The following KCNMB4 variants were observed in gnomAD, a reference collection of about 807,000 sequenced individuals.
KCNMB4 encodes calcium-activated potassium channel subunit beta-4.
KCNMB4 carries 3 observed loss-of-function variants against 20.7 expected under a neutral mutation model. The observed-to-expected ratio is 0.14, with a 90% CI of 0.07 to 0.37. The LOEUF (loss-of-function observed/expected upper bound fraction) is 0.37, where lower values mean the gene tolerates loss of function less well. KCNMB4 is among the 10% of genes least tolerant of loss of function. The probability of loss-of-function intolerance (pLI) is 1.00; values close to 1 mark genes in which losing one functional copy is unlikely to be tolerated. For synonymous variants in KCNMB4, 110 were observed against 113.4 expected (o/e 0.97, Z 0.19); for missense variants, 168 against 265.9 (o/e 0.63, Z 2.56).
chr12:70,393,128 G>C (rs977992892), intron 1 of KCNMB4, among the ~76,000 whole-genome samples: 1 of 151,980 alleles, frequency 6.6e-6, no homozygotes, highest in Non-Finnish European at 1.5e-5. Flanking sequence ...AAAATTTCTT[G>C]TTTTGGTGTG....
rs758534772 is a variant in KCNMB4 at position 70,431,058 on chromosome 12, TA to T, written c.*419del. The T allele has an allele frequency of 7.5e-3, 1,066 of 141,640 alleles. No homozygotes were observed. Among genetic ancestry groups the T allele is most frequent in the African/African-American group, 9.4e-3 (364 of 38,828 alleles). 8.8% of individuals were successfully genotyped at this position (141,640 alleles called of 1,614,324 possible). ...TTTTTATGCTTAGAACACCAGGGTTTAAAAAAAAAAAAAAGGTGAGGACATC... is the reference window on the plus strand; with the variant it reads ...TTTTTATGCTTAGAACACCAGGGTTTAAAAAAAAAAAAAGGTGAGGACATC... On this transcript the variant is annotated 3_prime_UTR_variant, in exon 3 of 3. Transcript: ENST00000258111.
rs767797869 is a variant in KCNMB4 at position 70,367,094 on chromosome 12, G to GGGCT, written c.336+25_336+28dup. ...AGGTAAGAACGCCCCGCGCACCCAG[G>GGGCT]GGCTCCCCGCGAGGGAGGTTTGGAG... On this transcript the variant is annotated intron_variant, in intron 1 of 2. Coordinates refer to ENST00000258111, the MANE Select transcript of KCNMB4 (RefSeq NM_014505.6). The GGGCT allele has an allele frequency of 6.1e-6, 9 of 1,484,592 alleles. No individual in the cohort carries two copies. In the African/African-American group the frequency reaches 1.1e-4, roughly 18 times the overall value. The allele number at this position is 1,484,592 out of a possible 1,614,324, so 92.0% of individuals were successfully genotyped here.
intron 2 of KCNMB4, among the ~76,000 whole-genome samples, chr12:70,409,088 C>G (rs1355168949): frequency 6.6e-6 from 1 of 152,138 alleles, no homozygotes; most frequent in Non-Finnish European, 1.5e-5. Context: ...TTTATCTTTT[C>G]CTCTTGTTGG....
Position 70,366,839 on chromosome 12 carries a change from C to A in KCNMB4, c.105C>A (p.Phe35Leu). ...IISGVVSLFIFGFCWLSPALQ... is the reference protein window; with the variant it reads ...IISGVVSLFILGFCWLSPALQ... ...CCGGCGTCGTGTCGCTCTTCATCTT[C>A]GGCTTCTGCTGGCTGAGTCCCGCGC... The change falls in exon 1 of 3, where the codon TTC (phenylalanine) becomes TTA (leucine). Residue 35 changes from phenylalanine (F) to leucine (L), a missense_variant. By Grantham distance (22) the Phe-to-Leu change is conservative (BLOSUM62 0). Transcript: ENST00000258111. The A allele has an allele frequency of 1.2e-6, 2 of 1,612,976 alleles. No homozygotes were observed. Among genetic ancestry groups the A allele is most frequent in the Non-Finnish European group, 1.7e-6 (2 of 1,179,898 alleles).
In KCNMB4 at chr12:70,370,746, T is replaced by TGCATAA. The variant is rs570923507; in HGVS notation, c.336+3677_336+3682dup. Among the ~76,000 whole-genome samples, 333 of 149,366 alleles carry TGCATAA rather than the reference T, an allele frequency of 2.2e-3. 3 individuals are homozygous for TGCATAA. The highest frequency in any genetic ancestry group is 8.2e-3 in the African/African-American group (328 of 40,118). On this transcript the variant is annotated intron_variant, in intron 1 of 2. Coordinates refer to ENST00000258111, the MANE Select transcript of KCNMB4 (RefSeq NM_014505.6). The stretch of plus-strand genomic sequence containing the variant: ...GAACTTGATTCCAGACATTTGCATT[T>TGCATAA]GCATAATTATATACATTGGATGGCC...
Position 70,430,707 on chromosome 12 carries a change from C to T in KCNMB4, c.*54C>T, listed in dbSNP as rs1869343033. 5.4e-6 allele frequency: 8 copies of T among 1,473,690 alleles called. No individual in the cohort carries two copies. The highest frequency in any genetic ancestry group is 1.4e-5 in the South Asian group (1 of 70,396). The allele number at this position is 1,473,690 out of a possible 1,614,324, so 91.3% of individuals were successfully genotyped here. On this transcript the variant is annotated 3_prime_UTR_variant, in exon 3 of 3. Transcript: ENST00000258111. ...TACAGAAGCTGTACTCATCGGCACG[C>T]GTCCACCTGCGGAACCTGTGTTTCC...
intron 2 of KCNMB4, among the ~76,000 whole-genome samples, chr12:70,411,331 A>G (rs1340427961): frequency 6.6e-6 from 1 of 152,226 alleles, no homozygotes; most frequent in Non-Finnish European, 1.5e-5. Context: ...TGAGTTTCAT[A>G]ATGATGACAC....
At chr12:70,381,917 A>G (rs1883793867) in intron 1 of KCNMB4, among the ~76,000 whole-genome samples, 1 of 152,244 alleles carries the variant, frequency 6.6e-6, no homozygotes, top group Admixed American at 6.5e-5. Context: ...AAAAATAATA[A>G]TGAATGATTG....
chr12:70,429,442 G>A (rs952839530), intron 2 of KCNMB4, among the ~76,000 whole-genome samples: 5 of 152,042 alleles, frequency 3.3e-5, no homozygotes, highest in Non-Finnish European at 4.4e-5. Context: ...CGAGGAGGGC[G>A]GATCACGAGG....
intron 1 of KCNMB4, among the ~76,000 whole-genome samples, chr12:70,374,057 C>G (rs945281638): frequency 6.6e-6 from 1 of 152,148 alleles, no homozygotes; most frequent in Non-Finnish European, 1.5e-5. Context: ...CGTAATGTAT[C>G]TCCAGCCCCC....
intron 2 of KCNMB4, among the ~76,000 whole-genome samples, chr12:70,413,852 CAG>C (rs1480571317): frequency 2.0e-5 from 3 of 152,088 alleles, no homozygotes; most frequent in African/African-American, 7.2e-5. Context: ...TTCATAGAGA[CAG>C]AAAGTATATT....
At chr12:70,379,945 T>C (rs1246280791) in intron 1 of KCNMB4, among the ~76,000 whole-genome samples, 1 of 152,236 alleles carries the variant, frequency 6.6e-6, no homozygotes, top group African/African-American at 2.4e-5. Flanking sequence ...TTTCTTATCA[T>C]TCGTGTGTTC....
chr12:70,429,666 CAAAA>C (rs11320039), intron 2 of KCNMB4, among the ~76,000 whole-genome samples: 9 of 117,176 alleles, frequency 7.7e-5, no homozygotes, highest in Admixed American at 9.0e-5. Context: ...GACTCCATCT[CAAAA>C]AAAAAAAAAA....
chr12:70,419,068 C>T (rs1374415036), intron 2 of KCNMB4, among the ~76,000 whole-genome samples: 1 of 152,168 alleles, frequency 6.6e-6, no homozygotes. Context: ...CCAGCCCGGG[C>T]TTGCTTGAGA....
At chr12:70,382,438 A>G (rs1463948037) in intron 1 of KCNMB4, among the ~76,000 whole-genome samples, 2 of 148,024 alleles carry the variant, frequency 1.4e-5, no homozygotes, top group East Asian at 2.0e-4. Flanking sequence ...GTCTCAAAAA[A>G]AAAAAAAAAA....
chr12:70,367,364 A>C (rs1001013809), intron 1 of KCNMB4, among the ~76,000 whole-genome samples: 4 of 152,044 alleles, frequency 2.6e-5, no homozygotes, highest in Non-Finnish European at 5.9e-5. Context: ...CGCCTACCGG[A>C]CTGGGTTTGG....
chr12:70,374,404 CAATTACCAT>C (rs1883650890), intron 1 of KCNMB4, among the ~76,000 whole-genome samples: 1 of 152,070 alleles, frequency 6.6e-6, no homozygotes, highest in African/African-American at 2.4e-5. Context: ...ATTTATATTA[CAATTACCAT>C]AATTACTCAC....
rs1869359008 is a variant in KCNMB4, at chr12:70,431,324, A to G, written c.*671A>G. 1 of 152,150 alleles carries G rather than the reference A, an allele frequency of 6.6e-6. No homozygotes were observed. Among genetic ancestry groups the G allele is most frequent in the Non-Finnish European group, 1.5e-5 (1 of 68,024 alleles). The allele number at this position is 152,150 out of a possible 1,614,324, so 9.4% of individuals were successfully genotyped here. A position where few individuals can be genotyped will look rare whatever the true frequency, so the allele number is the denominator to read the frequency against. Reference sequence around the variant, plus strand: ...CAACACCTGCCTTTGCCTAACCATTATTTTTCACCAGATTACTTCTTAAGA... The same window carrying G: ...CAACACCTGCCTTTGCCTAACCATTGTTTTTCACCAGATTACTTCTTAAGA... On this transcript the variant is annotated 3_prime_UTR_variant, in exon 3 of 3. Coordinates refer to ENST00000258111, the MANE Select transcript of KCNMB4 (RefSeq NM_014505.6).
intron 2 of KCNMB4, among the ~76,000 whole-genome samples, chr12:70,409,548 G>A (rs1868710491): frequency 6.6e-6 from 1 of 152,152 alleles, no homozygotes; most frequent in Non-Finnish European, 1.5e-5. Context: ...CAACAAAATA[G>A]CAGACACGGT....
Sources: gnomAD v4.1 joint callset for allele counts (sites outside exome capture counted in the v4.1 genomes callset) on GRCh38, gnomAD v4.1.1 for gene constraint, MANE v1.5 for transcripts, NCBI Gene and HGNC (gene_info 2026-07-23, HGNC 2026-07-21) for gene names.